Variants in LYN observed in about 807,000 individuals in gnomAD.
LYN encodes the protein tyrosine-protein kinase Lyn.
A neutral mutation model predicts 65.0 loss-of-function variants in LYN; 12 were observed. The ratio of observed to expected loss-of-function variants is 0.18; its 90% CI spans 0.12 to 0.30. The LOEUF (loss-of-function observed/expected upper bound fraction) is 0.30. LYN is among the 10% of genes least tolerant of loss of function. The pLI is 1.00. For synonymous variants in LYN, 222 were observed against 221.2 expected, an observed-to-expected ratio of 1.00 and a Z score of -0.03; for missense variants, 380 against 623.2, an observed-to-expected ratio of 0.61 and a Z score of 4.16.
chr8:55,892,086 T>G (rs1804976663), intron 1 of LYN, among the ~76,000 whole-genome samples: 2 of 152,390 alleles, frequency 1.3e-5, no homozygotes, highest in South Asian at 2.1e-4. Flanking sequence ...ATTAAATGTT[T>G]GTCAGCAAAG....
chr8:55,913,980 T>A (rs929832367), intron 1 of LYN, among the ~76,000 whole-genome samples: 1 of 152,066 alleles, frequency 6.6e-6, no homozygotes, highest in Non-Finnish European at 1.5e-5. Context: ...CTTGCTAAGC[T>A]CTATCAGATG....
chr8:55,917,530 A>G (rs1056719157), intron 1 of LYN, among the ~76,000 whole-genome samples: 6 of 152,180 alleles, frequency 3.9e-5, no homozygotes, highest in Admixed American at 3.3e-4. Flanking sequence ...ATTTTGTCCA[A>G]CTTGTGGAGT....
At chr8:55,959,817 A>C (rs1028660221) in intron 8 of LYN, among the ~76,000 whole-genome samples, 1 of 142,288 alleles carries the variant, frequency 7.0e-6, no homozygotes, top group Non-Finnish European at 1.5e-5. Context: ...ATTTGGCAAT[A>C]AAAAAAAAAA....
At chr8:55,883,298 C>T (rs73604837) in intron 1 of LYN, among the ~76,000 whole-genome samples, 2,994 of 152,266 alleles carry the variant, frequency 0.02, 110 homozygotes, top group African/African-American at 0.067. Context: ...ATTTAACAAA[C>T]ATTTTAAAAG....
chr8:55,918,580 A>C (rs1205685343), intron 1 of LYN, among the ~76,000 whole-genome samples: 2 of 152,204 alleles, frequency 1.3e-5, no homozygotes, highest in Non-Finnish European at 2.9e-5. Context: ...ATAATAATGC[A>C]TTTTGTCCAT....
At position 56,011,360 on chromosome 8, in the gene LYN, T is replaced by G. The variant is rs2130607073; in HGVS notation, c.*1250T>G. The stretch of plus-strand genomic sequence containing the variant: ...AATATTTCTATTTTTGATTTTATTT[T>G]AATACACCTCGTCCAATAACATCTC... On this transcript the variant is annotated 3_prime_UTR_variant, in exon 13 of 13. Transcript: ENST00000519728. The G allele has an allele frequency of 4.6e-6, 1 of 217,134 alleles. No individual in the cohort carries two copies. The highest frequency in any genetic ancestry group is 6.9e-5 in the East Asian group (1 of 14,438). 13.5% of individuals were successfully genotyped at this position (217,134 alleles called of 1,614,324 possible).
At chr8:55,900,606 C>T (rs1387395879) in intron 1 of LYN, among the ~76,000 whole-genome samples, 4 of 149,238 alleles carry the variant, frequency 2.7e-5, no homozygotes, top group African/African-American at 5.0e-5. Context: ...GTCTCAAACT[C>T]GTGGCCTCAA....
intron 10 of LYN, among the ~76,000 whole-genome samples, chr8:55,987,019 G>T (rs1412418009): frequency 6.6e-6 from 1 of 152,152 alleles, no homozygotes; most frequent in Non-Finnish European, 1.5e-5. Flanking sequence ...TTCGGCCTAA[G>T]TTGACCATTT....
At chr8:55,952,156 G>A in intron 7 of LYN, 41 bp downstream of exon 7, 2 of 1,506,304 alleles carry the variant, frequency 1.3e-6, no homozygotes, top group African/African-American at 1.4e-5. Flanking sequence ...AGATATATTT[G>A]TTATGATATG....
chr8:55,932,204 A>AT (rs1159565285), intron 1 of LYN, among the ~76,000 whole-genome samples: 1 of 152,190 alleles, frequency 6.6e-6, no homozygotes, highest in Non-Finnish European at 1.5e-5. Flanking sequence ...AGGTTGAAGA[A>AT]TTTTTTAAAA....
chr8:55,950,859 A>G (rs1471272950), intron 6 of LYN, 75 bp downstream of exon 6: 1 of 1,001,092 alleles, frequency 1.0e-6, no homozygotes, highest in African/African-American at 1.6e-5. Flanking sequence ...AGAGCTACTC[A>G]AGGGGAAAAA....
intron 9 of LYN, among the ~76,000 whole-genome samples, chr8:55,969,045 C>T (rs1349657378): frequency 6.6e-6 from 1 of 152,110 alleles, no homozygotes; most frequent in Non-Finnish European, 1.5e-5. Context: ...CTTTTGGAGG[C>T]CAAGGTGGGA....
chr8:55,930,770 C>A (rs1400602009), intron 1 of LYN, among the ~76,000 whole-genome samples: 1 of 152,144 alleles, frequency 6.6e-6, no homozygotes, highest in African/African-American at 2.4e-5. Flanking sequence ...CTTCCTCCTC[C>A]CCCTGCTGGC....
chr8:55,909,392 A>G (rs1476334056), intron 1 of LYN, among the ~76,000 whole-genome samples: 2 of 152,160 alleles, frequency 1.3e-5, no homozygotes, highest in Non-Finnish European at 2.9e-5. Flanking sequence ...TGGCGCTGCC[A>G]TAGGTTCCAC....
At chr8:55,882,466 C>T (rs1804677493) in intron 1 of LYN, among the ~76,000 whole-genome samples, 1 of 152,198 alleles carries the variant, frequency 6.6e-6, no homozygotes. Context: ...TATTCATGTA[C>T]AAACCCATAC....
intron 12 of LYN, among the ~76,000 whole-genome samples, chr8:56,006,016 T>TGCAGGGAG (rs1808663444): frequency 6.6e-6 from 1 of 151,736 alleles, no homozygotes; most frequent in Admixed American, 6.6e-5. Context: ...CCCAGGGAGT[T>TGCAGGGAG]TGAGGCTGCA....
chr8:55,982,301 G>C (rs189605817), intron 10 of LYN, among the ~76,000 whole-genome samples: 232 of 151,442 alleles, frequency 1.5e-3, no homozygotes, highest in Non-Finnish European at 2.3e-3. Context: ...CTTCAGATTT[G>C]GTTTTGTTTT....
At chr8:55,890,338 G>T (rs1184425541) in intron 1 of LYN, among the ~76,000 whole-genome samples, 3 of 151,912 alleles carry the variant, frequency 2.0e-5, no homozygotes, top group Non-Finnish European at 4.4e-5. Flanking sequence ...ATAATAAAAA[G>T]AAAGTTGCTT....
intron 8 of LYN, among the ~76,000 whole-genome samples, chr8:55,965,661 A>G (rs983632114): frequency 6.6e-5 from 10 of 152,134 alleles, no homozygotes; most frequent in Non-Finnish European, 1.3e-4. Context: ...TGTTGTTTAT[A>G]TGTGTGTGTC....
Sources: allele counts gnomAD v4.1 joint callset (sites outside exome capture counted in the v4.1 genomes callset), GRCh38; gene constraint gnomAD v4.1.1; transcripts MANE v1.5; gene names NCBI Gene and HGNC (gene_info 2026-07-23, HGNC 2026-07-21).